SPTB: variants seen among roughly 807,000 people sequenced by gnomAD.
SPTB encodes the protein spectrin beta, erythrocytic.
Under a neutral mutation model 256.2 loss-of-function variants are expected in SPTB, and 45 were observed. The ratio of observed to expected loss-of-function variants is 0.18; its 90% confidence interval spans 0.14 to 0.23. The LOEUF (loss-of-function observed/expected upper bound fraction) is 0.23, where lower values mean the gene tolerates loss of function less well. Ranked by LOEUF, SPTB falls within the 10% of genes least tolerant of loss-of-function variation. The pLI is 1.00. For synonymous variants in SPTB, 1,231 were observed against 1,243.1 expected (o/e 0.99, Z 0.21); for missense variants, 2,715 against 3,040.4 (o/e 0.89, Z 2.52).
At chr14:64,856,345 T>C (rs2083872200) in intron 1 of SPTB, among the ~76,000 whole-genome samples, 1 of 152,154 alleles carries the variant, frequency 6.6e-6, no homozygotes, top group African/African-American at 2.4e-5. Context: ...AGAGGGAGGA[T>C]CCTTCTGTAG....
rs1213217931 is a variant in SPTB at position 64,824,189 on chromosome 14, G to A, written c.-51-1044C>T. On this transcript the variant is annotated intron_variant, in intron 1 of 35. Transcript: ENST00000644917. This position sits in a 1 kb window ranked among gnomAD's most constrained non-coding sequence, Gnocchi z 5.7. ...GATGTGTGTCATGGCTGGCTTAGGT[G>A]GGGACTCGGCGGGGACTGGTATCAG... 6.6e-6 allele frequency among the ~76,000 whole-genome samples: 1 copy of A among 152,122 alleles called. No individual in the cohort carries two copies. Among genetic ancestry groups the A allele is most frequent in the Non-Finnish European group, 1.5e-5 (1 of 68,020 alleles).
At position 64,797,866 on chromosome 14, in the gene SPTB, A is replaced by G; in HGVS notation, c.1065-20T>C. Reference sequence around the variant, plus strand: ...TGAAACCTGTCAAGAAAACAGAAGTAGGAAGACTGATGTTAAGATCTCATG... The same window carrying G: ...TGAAACCTGTCAAGAAAACAGAAGTGGGAAGACTGATGTTAAGATCTCATG... On this transcript the variant is annotated intron_variant, in intron 9 of 35. Transcript: ENST00000644917. 1 of 1,597,956 alleles carries G rather than the reference A, an allele frequency of 6.3e-7. No homozygotes were observed. Among genetic ancestry groups the G allele is most frequent in the Non-Finnish European group, 8.6e-7 (1 of 1,165,192 alleles).
Position 64,786,847 on chromosome 14 carries a change from C to T in SPTB, c.3118G>A (p.Glu1040Lys), listed in dbSNP as rs1211615857. 3 of 1,613,622 alleles carry T rather than the reference C, an allele frequency of 1.9e-6. No individual in the cohort carries two copies. Among genetic ancestry groups the T allele is most frequent in the East Asian group, 4.5e-5 (2 of 44,880 alleles). ...TGCTGCAGGCCCTGCCACAGCTCCT[C>T]CAAGTGTTTTTGCCGCTGACCAATA... ...EDIGQRQKHL[E>K]ELWQGLQQSL... Residue 1040 changes from glutamate (E) to lysine (K), a missense_variant, in exon 16 of 36, where the codon GAG becomes AAG. Coordinates refer to ENST00000644917, the MANE Select transcript of SPTB (RefSeq NM_001355436.2). The surrounding 1 kb of genome is among the most constrained non-coding windows in gnomAD (Gnocchi z 5.6).
chr14:64,828,032 A>G (rs773802535), intron 1 of SPTB, among the ~76,000 whole-genome samples: 11 of 152,118 alleles, frequency 7.2e-5, no homozygotes, highest in Non-Finnish European at 1.5e-4. Context: ...CATCCCAACC[A>G]AGTCTGGCTA....
rs2082524552 is a variant in SPTB, at chr14:64,784,315, A to G, written c.3934T>C (p.Trp1312Arg). 7 of 1,614,078 alleles carry G rather than the reference A, an allele frequency of 4.3e-6. No homozygotes were observed. The highest frequency in any genetic ancestry group is 5.9e-6 in the Non-Finnish European group (7 of 1,180,036). Residue 1312 changes from tryptophan (W) to arginine (R), a missense_variant, in exon 19 of 36, where the codon TGG (tryptophan) becomes CGG (arginine). Transcript: ENST00000644917. Reference sequence around the variant, plus strand: ...GCCACAAACGCCTGGTGCTTTAGCCATTTATTGTGAAGGTTTCGTGCTTCA... The same window carrying G: ...GCCACAAACGCCTGGTGCTTTAGCCGTTTATTGTGAAGGTTTCGTGCTTCA... ...YDEARNLHNKWLKHQAFVAEL... is the reference protein window; with the variant it reads ...YDEARNLHNKRLKHQAFVAEL...
chr14:64,750,132 CACAGT>C lies in SPTB; in HGVS notation c.6620_6624del (p.Tyr2207CysfsTer6). 6.2e-7 allele frequency: 1 copy of C among 1,614,126 alleles called. No individual in the cohort carries two copies. The highest frequency in any genetic ancestry group is 8.5e-7 in the Non-Finnish European group (1 of 1,179,990). On this transcript the variant is annotated frameshift_variant, in exon 34 of 36. Coordinates refer to ENST00000644917, the MANE Select transcript of SPTB (RefSeq NM_001355436.2). LOFTEE classifies it high-confidence loss of function. ...AAGGTTAGCTCACTGTTCCTGAGCA[CACAGT>C]ACAGGTTGTTCCAGGACCTGCAAAG...
At chr14:64,776,315 C>T (rs559808150) in intron 22 of SPTB, among the ~76,000 whole-genome samples, 1 of 152,318 alleles carries the variant, frequency 6.6e-6, no homozygotes, top group South Asian at 2.1e-4. Flanking sequence ...CATTTTTACA[C>T]TTTATGCTCA....
chr14:64,801,515 G>A, intron 6 of SPTB, 115 bp from the exon 7 acceptor site: 1 of 867,960 alleles, frequency 1.2e-6, no homozygotes, highest in Non-Finnish European at 1.9e-6. Flanking sequence ...GGCAGGAGGA[G>A]TGAAAGGAGG....
At position 64,779,361 on chromosome 14, in the gene SPTB, C is replaced by A; in HGVS notation, c.4474-115G>T. The A allele has an allele frequency of 3.5e-6, 3 of 867,476 alleles. No individual in the cohort carries two copies. Among genetic ancestry groups the A allele is most frequent in the Middle Eastern group, 4.7e-4 (2 of 4,264 alleles). The allele number at this position is 867,476 out of a possible 1,614,324, so 53.7% of individuals were successfully genotyped here. A position where few individuals can be genotyped will look rare whatever the true frequency, so the allele number is the denominator to read the frequency against. ...GCAGTGTCTCCCCAGTTCCTCCCAA[C>A]ACCCCATCAGGGTTTTGCCCCCATT... is the stretch of plus-strand genomic sequence containing the variant. On this transcript the variant is annotated intron_variant, in intron 21 of 35. Transcript: ENST00000644917. This position sits in a 1 kb window ranked among gnomAD's most constrained non-coding sequence, Gnocchi z 4.2.
intron 2 of SPTB, among the ~76,000 whole-genome samples, chr14:64,805,351 A>G (rs1053927333): frequency 3.3e-5 from 5 of 152,150 alleles, no homozygotes; most frequent in African/African-American, 1.2e-4. Flanking sequence ...CCTCTAATTC[A>G]GCATCTGTTT....
intron 1 of SPTB, among the ~76,000 whole-genome samples, chr14:64,838,151 T>C (rs551046434): frequency 6.6e-6 from 1 of 152,256 alleles, no homozygotes; most frequent in South Asian, 2.1e-4. Flanking sequence ...CAAAAACAAC[T>C]TGATGGAGAA....
At chr14:64,879,110 A>C (rs1882979342) in intron 1 of SPTB, among the ~76,000 whole-genome samples, 1 of 152,228 alleles carries the variant, frequency 6.6e-6, no homozygotes, top group African/African-American at 2.4e-5. Context: ...GTGAGGGTAG[A>C]GTAGCCCGGA....
At chr14:64,811,693 A>C (rs868385049) in intron 2 of SPTB, among the ~76,000 whole-genome samples, 17 of 152,170 alleles carry the variant, frequency 1.1e-4, no homozygotes, top group African/African-American at 4.1e-4. Flanking sequence ...TAATGTAATG[A>C]CCCTATTATA....
chr14:64,869,876 C>T (rs1594860579), intron 1 of SPTB, among the ~76,000 whole-genome samples: 1 of 151,448 alleles, frequency 6.6e-6, no homozygotes, highest in East Asian at 1.9e-4. Context: ...GCGATCTGCC[C>T]ACCTCAGCCT....
At chr14:64,774,641 G>A in intron 23 of SPTB, 114 bp from the exon 24 acceptor site, 1 of 1,463,294 alleles carries the variant, frequency 6.8e-7, no homozygotes, top group Non-Finnish European at 9.3e-7. Flanking sequence ...TAGGCTTGTG[G>A]GACACCCGCA....
chr14:64,800,667 C>CCA, intron 8 of SPTB, 89 bp downstream of exon 8: 1 of 1,173,700 alleles, frequency 8.5e-7, no homozygotes, highest in African/African-American at 1.5e-5. Context: ...CTGTACTCTT[C>CCA]ACCCTTTCTT....
At chr14:64,752,308 C>G (rs781505891) in intron 33 of SPTB, 10 of 1,275,324 alleles carry the variant, frequency 7.8e-6, no homozygotes, top group Non-Finnish European at 1.0e-5. Context: ...TCTCCCTCTT[C>G]TCCCTTACTT....
At chr14:64,872,736 G>A (rs972340696) in intron 1 of SPTB, among the ~76,000 whole-genome samples, 11 of 152,306 alleles carry the variant, frequency 7.2e-5, no homozygotes, top group African/African-American at 9.6e-5. Context: ...CCTGCATGTC[G>A]TGGGAGGGAC....
intron 1 of SPTB, among the ~76,000 whole-genome samples, chr14:64,868,564 C>T (rs1199597568): frequency 6.6e-6 from 1 of 152,104 alleles, no homozygotes; most frequent in African/African-American, 2.4e-5. Context: ...AGATTCAGAC[C>T]TATTGGCAAT....
Sources: allele counts gnomAD v4.1 joint callset (sites outside exome capture counted in the v4.1 genomes callset), GRCh38; gene constraint gnomAD v4.1.1; non-coding constraint Gnocchi (gnomAD v3.1); transcripts MANE v1.5; gene names NCBI Gene and HGNC (gene_info 2026-07-23, HGNC 2026-07-21).